P2RX5: variants seen among roughly 807,000 people sequenced by gnomAD.
P2RX5 encodes P2X purinoceptor 5.
Under a neutral mutation model 54.1 loss-of-function variants are expected in P2RX5, and 46 were observed. The observed-to-expected ratio is 0.85, with a 90% confidence interval of 0.67 to 1.09. The LOEUF (loss-of-function observed/expected upper bound fraction) is 1.09. Ranked by LOEUF, P2RX5 falls within the 50% of genes least tolerant of loss-of-function variation. The pLI is 0.00. For synonymous variants in P2RX5, 226 were observed against 226.4 expected, an observed-to-expected ratio of 1.00 and a Z score of 0.02; for missense variants, 566 against 549.8, an observed-to-expected ratio of 1.03 and a Z score of -0.29.
the P2RX5 span, among the ~76,000 whole-genome samples, chr17:3,715,236 T>C: frequency 6.6e-6 from 1 of 152,218 alleles, no homozygotes; most frequent in Non-Finnish European, 1.5e-5. Context: ...GTACTGGATC[T>C]AATCTTATTT....
the P2RX5 span, among the ~76,000 whole-genome samples, chr17:3,709,895 C>A: frequency 6.6e-6 from 1 of 151,944 alleles, no homozygotes; most frequent in South Asian, 2.1e-4. Flanking sequence ...GGCGAAAGAG[C>A]GAGACTCTGT....
intron 6 of P2RX5, 137 bp downstream of exon 6, chr17:3,689,933 C>A (rs1465690584): frequency 9.1e-6 from 8 of 882,182 alleles, no homozygotes; most frequent in Admixed American, 1.7e-5. Context: ...CGCGCACACA[C>A]GCACACACGC....
intron 6 of P2RX5, 139 bp downstream of exon 6, chr17:3,689,931 C>CACGCACACACGCGA (rs1190943401): frequency 2.3e-6 from 2 of 874,362 alleles, no homozygotes; most frequent in Admixed American, 1.7e-5. Flanking sequence ...CACGCGCACA[C>CACGCACACACGCGA]ACGCACACAC....
chr17:3,683,221 TG>T (rs1162622828), intron 9 of P2RX5, among the ~76,000 whole-genome samples: 1 of 151,516 alleles, frequency 6.6e-6, no homozygotes. Flanking sequence ...AGAGTGGAGG[TG>T]GGAAGGGTTG....
chr17:3,688,529 C>T (rs2050513543), intron 8 of P2RX5, 97 bp downstream of exon 8: 8 of 1,368,088 alleles, frequency 5.8e-6, no homozygotes, highest in South Asian at 3.5e-5. Flanking sequence ...CGCTCTGACA[C>T]CCACCCCCAG....
intron 6 of P2RX5, 68 bp downstream of exon 6, chr17:3,690,002 G>T: frequency 7.2e-7 from 1 of 1,384,104 alleles, no homozygotes; most frequent in Non-Finnish European, 1.0e-6. Context: ...AGAGACCCAC[G>T]GAGGGCCAGC....
the P2RX5 span, chr17:3,721,678 A>G: frequency 6.6e-6 from 1 of 152,164 alleles, no homozygotes; most frequent in Non-Finnish European, 1.5e-5. Flanking sequence ...GGATCACTGT[A>G]AAACATTAAA....
chr17:3,714,850 AT>A, the P2RX5 span: 1 of 1,591,898 alleles, frequency 6.3e-7, no homozygotes, highest in East Asian at 2.2e-5. Flanking sequence ...GCAGGTCCTA[AT>A]TCTCTTCTTC....
rs771712872 is a variant in P2RX5, at chr17:3,690,521, C to T, written c.439G>A (p.Val147Met). The T allele has an allele frequency of 1.9e-5, 30 of 1,613,500 alleles. No homozygotes were observed. The highest frequency in any genetic ancestry group is 2.5e-5 in the Non-Finnish European group (29 of 1,179,930). Residue 147 changes from valine to methionine, a missense_variant and splice_region_variant, in exon 5 of 12, where the codon GTG becomes ATG. Val to Met is a conservative substitution (Grantham distance 21). Coordinates refer to ENST00000225328, the MANE Select transcript of P2RX5 (RefSeq NM_002561.4). ...AGEAVTAGNG[V>M]KTGRCLRREN... ...CTCCGCAGGCAGCGGCCGGTCTTCA[C>T]TCCTGCAGGGGTGGGACAGGATCAA...
chr17:3,688,534 C>A, intron 8 of P2RX5, 92 bp downstream of exon 8: 1 of 1,409,756 alleles, frequency 7.1e-7, no homozygotes, highest in South Asian at 1.1e-5. Flanking sequence ...TGACACCCAC[C>A]CCCAGGAAGG....
the P2RX5 span, chr17:3,720,768 A>G: frequency 5.4e-6 from 1 of 186,464 alleles, no homozygotes; most frequent in Non-Finnish European, 1.1e-5. Context: ...TTTTTAGTAG[A>G]GATGGGGTTT....
upstream of P2RX5, among the ~76,000 whole-genome samples, chr17:3,699,095 C>CACACACACACACATA (rs60173844): frequency 5.9e-3 from 591 of 100,202 alleles, 8 homozygotes; most frequent in Non-Finnish European, 8.2e-3. Flanking sequence ...ACACACACAC[C>CACACACACACACATA]TATATATATA....
At chr17:3,697,404 G>A (rs1363188049), upstream of P2RX5, among the ~76,000 whole-genome samples, 2 of 152,108 alleles carry the variant, frequency 1.3e-5, no homozygotes, top group South Asian at 2.1e-4. Context: ...GGGTGAGCGC[G>A]GTGTGGTGAG....
chr17:3,691,980 C>T (rs2050629806), intron 1 of P2RX5, 186 bp from the exon 2 acceptor site: 1 of 642,554 alleles, frequency 1.6e-6, no homozygotes. Flanking sequence ...AAACCCAGTC[C>T]TGCAAGCAGC....
chr17:3,682,701 C>T (rs1036275659), intron 9 of P2RX5: 3 of 155,122 alleles, frequency 1.9e-5, no homozygotes, highest in Non-Finnish European at 4.3e-5. Context: ...AGGGTTCTAA[C>T]CAACAAGGAC....
chr17:3,695,724 C>A, intron 1 of P2RX5, 145 bp downstream of exon 1: 1 of 923,728 alleles, frequency 1.1e-6, no homozygotes, highest in Non-Finnish European at 1.7e-6. Context: ...CAAAGAGGAC[C>A]CCCACAGCAA....
intron 11 of P2RX5, among the ~76,000 whole-genome samples, chr17:3,674,253 G>T (rs1215769056): frequency 6.6e-6 from 1 of 151,984 alleles, no homozygotes. Context: ...GGAGCTTGCA[G>T]TGAGCCGAGA....
Position 3,685,054 on chromosome 17 carries a change from C to T in P2RX5, c.981+2958G>A, listed in dbSNP as rs145625326. Among the ~76,000 whole-genome samples, 22 of 152,216 alleles carry T rather than the reference C, an allele frequency of 1.4e-4. No individual in the cohort carries two copies. In the East Asian group the frequency reaches 3.9e-3, roughly 27 times the overall value. On this transcript the variant is annotated intron_variant, in intron 9 of 11. Coordinates refer to ENST00000225328, the MANE Select transcript of P2RX5 (RefSeq NM_002561.4). Reference sequence around the variant, plus strand: ...AGAGGCAGGGTTTCTCCATGTTGGTCAGGCTGGTCTCGAACTCACAACCTC... The same window carrying T: ...AGAGGCAGGGTTTCTCCATGTTGGTTAGGCTGGTCTCGAACTCACAACCTC...
chr17:3,703,998 A>T, the P2RX5 span, among the ~76,000 whole-genome samples: 1 of 152,170 alleles, frequency 6.6e-6, no homozygotes, highest in African/African-American at 2.4e-5. Flanking sequence ...GCTACTCGGG[A>T]GGCTGAGGCA....
Sources: allele counts gnomAD v4.1 joint callset (sites outside exome capture counted in the v4.1 genomes callset), GRCh38; gene constraint gnomAD v4.1.1; transcripts MANE v1.5; gene names NCBI Gene and HGNC (gene_info 2026-07-23, HGNC 2026-07-21).